PSMC2: variants seen among roughly 807,000 people sequenced by gnomAD.
PSMC2 encodes 26S proteasome regulatory subunit 7.
Under a neutral mutation model 53.3 loss-of-function variants are expected in PSMC2, and 7 were observed. The ratio of observed to expected loss-of-function variants is 0.13; its 90% confidence interval spans 0.07 to 0.25. PSMC2 has a LOEUF of 0.25. PSMC2 is among the 10% of genes least tolerant of loss of function. PSMC2 has a pLI of 1.00. For missense variants in PSMC2, 241 were observed against 544.0 expected (o/e 0.44, Z 5.54); for synonymous variants, 169 against 183.9 (o/e 0.92, Z 0.66).
chr7:103,369,334 A>C lies in PSMC2; in HGVS notation c.*1280A>C, dbSNP rs1005905978. ...GCTTACAATAAAATATACTTAAGAA[A>C]ATGACTGAAGATGTATGTTTTTGAA... On this transcript the variant is annotated 3_prime_UTR_variant, in exon 12 of 12. Transcript: ENST00000292644. The C allele has an allele frequency of 2.0e-5, 3 of 152,008 alleles. No homozygotes were observed. Among genetic ancestry groups the C allele is most frequent in the African/African-American group, 7.3e-5 (3 of 41,226 alleles). 9.4% of individuals were successfully genotyped at this position (152,008 alleles called of 1,614,324 possible).
In PSMC2 at chr7:103,362,102, T is replaced by C. The variant is rs773741550; in HGVS notation, c.422+14T>C. ...GATGAGAGTGGGGTAAGATTTCTAT[T>C]TACAATAAATACTTTTCTTTCACTA... On this transcript the variant is annotated intron_variant, in intron 5 of 11. Transcript: ENST00000292644. 12 of 1,612,042 alleles carry C rather than the reference T, an allele frequency of 7.4e-6. No homozygotes were observed. The highest frequency in any genetic ancestry group is 7.6e-6 in the Non-Finnish European group (9 of 1,179,506).
chr7:103,354,455 G>A (rs1170581083), intron 2 of PSMC2, among the ~76,000 whole-genome samples: 2 of 146,252 alleles, frequency 1.4e-5, no homozygotes, highest in Non-Finnish European at 3.0e-5. Context: ...TGCAACCTCC[G>A]CCTCCTGGGT....
intron 3 of PSMC2, 136 bp from the exon 4 acceptor site, chr7:103,355,558 A>G (rs920828272): frequency 1.6e-6 from 1 of 619,576 alleles, no homozygotes; most frequent in Non-Finnish European, 2.8e-6. Flanking sequence ...GGATGCTACT[A>G]AACAGTCTAT....
intron 1 of PSMC2, 131 bp downstream of exon 1, chr7:103,347,912 T>C (rs1458696019): frequency 7.4e-6 from 7 of 943,868 alleles, no homozygotes; most frequent in Non-Finnish European, 1.2e-5. Flanking sequence ...TAATTTAGTC[T>C]GGACACCGGC....
At chr7:103,362,458 CCCCT>C in intron 5 of PSMC2, 2 of 1,372,692 alleles carry the variant, frequency 1.5e-6, no homozygotes, top group East Asian at 5.8e-5. Context: ...AAAAAAATCT[CCCCT>C]CCCTCCTCAA....
Position 103,362,469 on chromosome 7 carries a change from T to A in PSMC2, c.423-217T>A, listed in dbSNP as rs1190353722. 3.6e-6 allele frequency: 5 copies of A among 1,389,310 alleles called. No individual in the cohort carries two copies. The East Asian group carries it at 1.4e-4, about 39-fold the overall frequency. The allele number at this position is 1,389,310 out of a possible 1,614,324, so 86.1% of individuals were successfully genotyped here. On this transcript the variant is annotated intron_variant, in intron 5 of 11. Transcript: ENST00000292644. ...TTAAAAAAAAATCTCCCCTCCCTCC[T>A]CAAAGGTTTGATTGCTGTTGGATAG...
At chr7:103,357,002 C>G (rs572722626) in intron 4 of PSMC2, among the ~76,000 whole-genome samples, 11 of 152,224 alleles carry the variant, frequency 7.2e-5, no homozygotes, top group African/African-American at 2.6e-4. Context: ...TATTCACTCA[C>G]TTTTTAGTTT....
intron 8 of PSMC2, among the ~76,000 whole-genome samples, chr7:103,364,634 C>T (rs985975254): frequency 6.6e-6 from 1 of 152,124 alleles, no homozygotes; most frequent in African/African-American, 2.4e-5. Context: ...TCTCAAACTC[C>T]TGGGCTCAAG....
intron 4 of PSMC2, among the ~76,000 whole-genome samples, chr7:103,358,069 G>A (rs961927166): frequency 1.3e-5 from 2 of 152,062 alleles, no homozygotes; most frequent in Non-Finnish European, 2.9e-5. Flanking sequence ...ACATCCTCTG[G>A]TAGCTTCTTG....
rs2116275376 is a variant in PSMC2, at chr7:103,367,682, T to C, written c.1048-31T>C. On this transcript the variant is annotated intron_variant, in intron 10 of 11. Coordinates refer to ENST00000292644, the MANE Select transcript of PSMC2 (RefSeq NM_002803.4). This position sits in a 1 kb window ranked among gnomAD's most constrained non-coding sequence, Gnocchi z 6.1. ...TTTTTCTTCCTGTGATTTTTTTCCA[T>C]TTTAATATTTGTCAATTTTCTCATT... The C allele has an allele frequency of 2.5e-6, 4 of 1,608,704 alleles. No homozygotes were observed. The East Asian group carries it at 6.7e-5, about 27-fold the overall frequency.
At chr7:103,353,052 A>C (rs1819814427) in intron 1 of PSMC2, 1 of 761,616 alleles carries the variant, frequency 1.3e-6, no homozygotes, top group Admixed American at 1.7e-5. Context: ...AAATTTGAGC[A>C]GCTAAGCAAA....
intron 9 of PSMC2, among the ~76,000 whole-genome samples, chr7:103,366,721 T>C (rs934009658): frequency 1.3e-5 from 2 of 152,262 alleles, no homozygotes; most frequent in African/African-American, 4.8e-5. Context: ...ATTTAATTGA[T>C]GGTGGTTTTT....
At position 103,362,030 on chromosome 7, in the gene PSMC2, G is replaced by A; in HGVS notation, c.364G>A (p.Val122Met). Residue 122 changes from valine to methionine, a missense_variant, in exon 5 of 12, where the codon GTG (valine) becomes ATG (methionine). This residue lies in a region of PSMC2 where 75 missense variants were observed against 185.1 expected (regional missense o/e 0.41). Transcript: ENST00000292644. ...IINVKQFAKF[V>M]VDLSDQVAPT... Reference sequence around the variant, plus strand: ...CAACGTAAAGCAGTTTGCCAAGTTTGTGGTGGACCTTAGTGATCAGGTGGC... The same window carrying A: ...CAACGTAAAGCAGTTTGCCAAGTTTATGGTGGACCTTAGTGATCAGGTGGC... The A allele has an allele frequency of 6.2e-7, 1 of 1,613,828 alleles. No individual in the cohort carries two copies. The highest frequency in any genetic ancestry group is 2.2e-5 in the East Asian group (1 of 44,860).
At chr7:103,354,391 G>A (rs946478614) in intron 2 of PSMC2, among the ~76,000 whole-genome samples, 3 of 139,364 alleles carry the variant, frequency 2.2e-5, no homozygotes, top group African/African-American at 5.4e-5. Context: ...TTTTTGAAAC[G>A]GAGTGTTGCT....
chr7:103,353,998 G>A, intron 2 of PSMC2, 40 bp downstream of exon 2: 1 of 1,467,082 alleles, frequency 6.8e-7, no homozygotes, highest in Non-Finnish European at 9.3e-7. Flanking sequence ...GATGTTTTAT[G>A]TTGAAATAAA....
chr7:103,358,806 A>T (rs1351164479), intron 4 of PSMC2, among the ~76,000 whole-genome samples: 1 of 152,128 alleles, frequency 6.6e-6, no homozygotes, highest in African/African-American at 2.4e-5. Flanking sequence ...GTTAGAGGGA[A>T]ACTTTTCATA....
chr7:103,356,959 A>G (rs888932640), intron 4 of PSMC2, among the ~76,000 whole-genome samples: 4 of 152,076 alleles, frequency 2.6e-5, no homozygotes, highest in South Asian at 4.1e-4. Flanking sequence ...CACCCTCCCT[A>G]CTTCACAATT....
At position 103,368,264 on chromosome 7, in the gene PSMC2, G is replaced by A. The variant is rs577933594; in HGVS notation, c.*210G>A. ...TTGACTATTTTTTTGACCCACACCC[G>A]TTTAAGGATTTCACATCATACAAAG... On this transcript the variant is annotated 3_prime_UTR_variant, in exon 12 of 12. Coordinates refer to ENST00000292644, the MANE Select transcript of PSMC2 (RefSeq NM_002803.4). 227 of 502,438 alleles carry A rather than the reference G, an allele frequency of 4.5e-4. No homozygotes were observed. The highest frequency in any genetic ancestry group is 1.4e-3 in the East Asian group (39 of 28,714). The allele number at this position is 502,438 out of a possible 1,614,324, so 31.1% of individuals were successfully genotyped here.
upstream of PSMC2, chr7:103,347,615 A>C: frequency 6.9e-7 from 1 of 1,458,884 alleles, no homozygotes; most frequent in Non-Finnish European, 9.6e-7. Context: ...TCTGAGCCCA[A>C]TTTACTTCCG....
Sources: gnomAD v4.1 joint callset for allele counts (sites outside exome capture counted in the v4.1 genomes callset) on GRCh38, gnomAD v4.1.1 for gene constraint, gnomAD v4.1.1 regional missense constraint, Gnocchi (gnomAD v3.1) non-coding constraint, MANE v1.5 for transcripts, NCBI Gene and HGNC (gene_info 2026-07-23, HGNC 2026-07-21) for gene names.